Variants in BCL2 observed in about 807,000 individuals in gnomAD.
BCL2 encodes the protein apoptosis regulator Bcl-2.
A neutral mutation model predicts 14.2 loss-of-function variants in BCL2; 1 was observed. The ratio of observed to expected loss-of-function variants is 0.07; its 90% confidence interval spans 0.02 to 0.33. The LOEUF (loss-of-function observed/expected upper bound fraction) is 0.33. BCL2 is among the 10% of genes least tolerant of loss of function. BCL2 has a pLI of 0.99. For synonymous variants in BCL2, 151 were observed against 137.2 expected, an observed-to-expected ratio of 1.10 and a Z score of -0.70; for missense variants, 247 against 305.9, an observed-to-expected ratio of 0.81 and a Z score of 1.44.
At chr18:63,298,759 C>A (rs1265788155) in intron 2 of BCL2, among the ~76,000 whole-genome samples, 1 of 152,174 alleles carries the variant, frequency 6.6e-6, no homozygotes, top group East Asian at 1.9e-4. Flanking sequence ...GAGCTGTTAT[C>A]ATTGCCATTG....
intron 2 of BCL2, among the ~76,000 whole-genome samples, chr18:63,283,486 T>C (rs1912373999): frequency 2.8e-5 from 1 of 36,240 alleles, no homozygotes; most frequent in Non-Finnish European, 1.3e-4. Flanking sequence ...ACTAATTTAG[T>C]TGTTTATTAT....
intron 2 of BCL2, among the ~76,000 whole-genome samples, chr18:63,171,396 A>T (rs1915217186): frequency 6.6e-6 from 1 of 152,200 alleles, no homozygotes; most frequent in Non-Finnish European, 1.5e-5. Context: ...TCACTGCTGG[A>T]GTGAGGGAGG....
At chr18:63,186,601 G>T (rs1915599498) in intron 2 of BCL2, among the ~76,000 whole-genome samples, 1 of 152,126 alleles carries the variant, frequency 6.6e-6, no homozygotes, top group Admixed American at 6.5e-5. Flanking sequence ...TCCAATACAT[G>T]TATTTTTCTT....
chr18:63,232,493 G>C (rs529751675), intron 2 of BCL2, among the ~76,000 whole-genome samples: 1 of 152,020 alleles, frequency 6.6e-6, no homozygotes, highest in South Asian at 2.1e-4. Context: ...AATACAAAGA[G>C]AAAGAAAAAA....
At chr18:63,175,041 G>C (rs1783551678) in intron 2 of BCL2, among the ~76,000 whole-genome samples, 1 of 152,082 alleles carries the variant, frequency 6.6e-6, no homozygotes, top group Non-Finnish European at 1.5e-5. Context: ...ACCACATTTT[G>C]TCAAAAGCCA....
chr18:63,158,348 G>A (rs989579113), intron 2 of BCL2, among the ~76,000 whole-genome samples: 3 of 152,122 alleles, frequency 2.0e-5, no homozygotes, highest in Admixed American at 1.3e-4. Context: ...TTTACCTGGT[G>A]GCCGAGTGAC....
intron 2 of BCL2, among the ~76,000 whole-genome samples, chr18:63,294,540 C>A (rs1057428434): frequency 6.6e-6 from 1 of 151,952 alleles, no homozygotes; most frequent in Non-Finnish European, 1.5e-5. Context: ...TGTGGTGGCA[C>A]ACACCTGTAG....
intron 2 of BCL2, among the ~76,000 whole-genome samples, chr18:63,131,973 A>T (rs180706398): frequency 3.4e-4 from 52 of 152,214 alleles, no homozygotes; most frequent in Admixed American, 1.3e-3. Context: ...CCTCACCCCC[A>T]CACAAATAAC....
chr18:63,141,183 A>G (rs956082229), intron 2 of BCL2, among the ~76,000 whole-genome samples: 13 of 152,290 alleles, frequency 8.5e-5, no homozygotes, highest in Admixed American at 8.5e-4. Flanking sequence ...CCGCTCTACC[A>G]TCTGGGCTTA....
intron 2 of BCL2, among the ~76,000 whole-genome samples, chr18:63,170,041 G>A (rs1298713432): frequency 1.3e-5 from 2 of 152,200 alleles, no homozygotes; most frequent in East Asian, 3.9e-4. Flanking sequence ...CTAACTTGGT[G>A]ACTAACAGCA....
chr18:63,193,657 T>TATATATACACAC lies in BCL2; in HGVS notation c.586-64899_586-64898insGTGTGTATATAT, dbSNP rs1318913906. ...ATACACACACACATATATATACACA[T>TATATATACACAC]ACATATATATACACACACACACACA... On this transcript the variant is annotated intron_variant, in intron 2 of 2. Coordinates refer to ENST00000333681, the MANE Select transcript of BCL2 (RefSeq NM_000633.3). 8.0e-5 allele frequency among the ~76,000 whole-genome samples: 12 copies of TATATATACACAC among 149,950 alleles called. 1 individual carries two copies. The highest frequency in any genetic ancestry group is 7.4e-5 in the African/African-American group (3 of 40,576).
In BCL2 at chr18:63,302,535, G is replaced by A. The variant is rs565663208; in HGVS notation, c.585+15547C>T. ...AAAAAGTCATAACATGTTGTGCCCA[G>A]GGAAGATGTTGAATTGAAATTTTTT... is the stretch of plus-strand genomic sequence containing the variant. On this transcript the variant is annotated intron_variant, in intron 2 of 2. Coordinates refer to ENST00000333681, the MANE Select transcript of BCL2 (RefSeq NM_000633.3). 1.3e-5 allele frequency: 13 copies of A among 985,338 alleles called. No individual in the cohort carries two copies. In the East Asian group the frequency reaches 1.2e-3, roughly 95 times the overall value. 61.0% of individuals were successfully genotyped at this position (985,338 alleles called of 1,614,324 possible).
At chr18:63,280,731 G>A (rs548814625) in intron 2 of BCL2, among the ~76,000 whole-genome samples, 33 of 152,292 alleles carry the variant, frequency 2.2e-4, no homozygotes, top group African/African-American at 7.9e-4. Context: ...TACACTGCTG[G>A]TAGAAATGTA....
intron 2 of BCL2, among the ~76,000 whole-genome samples, chr18:63,259,563 C>T (rs1274893444): frequency 3.3e-5 from 5 of 152,230 alleles, no homozygotes; most frequent in Non-Finnish European, 1.5e-5. Flanking sequence ...CAGTCATTGC[C>T]CAAGGGGAAA....
chr18:63,208,895 T>C (rs1243863385), intron 2 of BCL2, among the ~76,000 whole-genome samples: 1 of 152,130 alleles, frequency 6.6e-6, no homozygotes, highest in East Asian at 1.9e-4. Context: ...CAAAGTGCTA[T>C]GGGGATGGAC....
chr18:63,281,041 G>C (rs932706994), intron 2 of BCL2, among the ~76,000 whole-genome samples: 4 of 152,140 alleles, frequency 2.6e-5, no homozygotes, highest in African/African-American at 9.7e-5. Flanking sequence ...CCAAAACATG[G>C]ATGAACCTTG....
chr18:63,180,583 G>A (rs1054076260), intron 2 of BCL2, among the ~76,000 whole-genome samples: 3 of 132,230 alleles, frequency 2.3e-5, no homozygotes, highest in Non-Finnish European at 4.7e-5. Context: ...GGCTGACCAC[G>A]GCAACGTGAA....
chr18:63,245,216 A>G (rs558183180), intron 2 of BCL2, among the ~76,000 whole-genome samples: 60 of 152,322 alleles, frequency 3.9e-4, no homozygotes, highest in African/African-American at 1.4e-3. Flanking sequence ...CTCAGGCCAC[A>G]TGACTGGTAT....
At chr18:63,288,020 C>T (rs981337554) in intron 2 of BCL2, among the ~76,000 whole-genome samples, 4 of 151,980 alleles carry the variant, frequency 2.6e-5, no homozygotes, top group Admixed American at 2.0e-4. Flanking sequence ...GATGAGCAGG[C>T]GAGAGGAGGA....
Sources: gnomAD v4.1 joint callset for allele counts (sites outside exome capture counted in the v4.1 genomes callset) on GRCh38, gnomAD v4.1.1 for gene constraint, MANE v1.5 for transcripts, NCBI Gene and HGNC (gene_info 2026-07-23, HGNC 2026-07-21) for gene names.